The following FILIP1L variants were observed in gnomAD, a reference collection of about 807,000 sequenced individuals.
The protein encoded by FILIP1L is filamin A-interacting protein 1-like.
Under a neutral mutation model 96.6 loss-of-function variants are expected in FILIP1L, and 55 were observed. That is an observed-to-expected ratio of 0.57 (90% CI 0.46 to 0.71). FILIP1L has a LOEUF of 0.71. Ranked by LOEUF, FILIP1L falls within the 30% of genes least tolerant of loss-of-function variation. The probability of loss-of-function intolerance (pLI) is 0.00; values close to 1 mark genes in which losing one functional copy is unlikely to be tolerated. For synonymous variants in FILIP1L, 467 were observed against 473.9 expected (o/e 0.99, Z 0.19); for missense variants, 1,304 against 1,321.2 (o/e 0.99, Z 0.20).
At chr3:99,856,240 T>C (rs1943959589) in intron 4 of FILIP1L, among the ~76,000 whole-genome samples, 1 of 152,226 alleles carries the variant, frequency 6.6e-6, no homozygotes, top group Admixed American at 6.5e-5. Flanking sequence ...TGATAAGAGT[T>C]TGCTAAGAAG....
intron 1 of FILIP1L, among the ~76,000 whole-genome samples, chr3:99,990,137 G>A (rs1329030994): frequency 2.6e-5 from 4 of 152,152 alleles, no homozygotes; most frequent in African/African-American, 9.7e-5. Flanking sequence ...TTGTATGCCA[G>A]ATACTGCCTA....
chr3:100,093,858 G>C (rs985859561), intron 1 of FILIP1L, among the ~76,000 whole-genome samples: 1 of 152,140 alleles, frequency 6.6e-6, no homozygotes, highest in Admixed American at 6.5e-5. Flanking sequence ...ATTTTCTGAA[G>C]AGTTATCTAG....
chr3:100,013,666 A>T (rs1710232778), intron 1 of FILIP1L, among the ~76,000 whole-genome samples: 1 of 152,148 alleles, frequency 6.6e-6, no homozygotes, highest in South Asian at 2.1e-4. Context: ...TAAACAGTGA[A>T]ATGATATTTT....
chr3:99,953,502 A>T (rs959863665), intron 1 of FILIP1L, among the ~76,000 whole-genome samples: 16 of 152,186 alleles, frequency 1.1e-4, no homozygotes, highest in African/African-American at 3.4e-4. Flanking sequence ...GGAAGGTGGC[A>T]GTTGATCTGT....
intron 5 of FILIP1L, among the ~76,000 whole-genome samples, chr3:99,832,887 T>C (rs572745923): frequency 6.6e-6 from 1 of 150,612 alleles, no homozygotes; most frequent in African/African-American, 2.4e-5. Context: ...TTGTATGACT[T>C]ATCCTTGGAC....
chr3:99,949,087 C>CA (rs1030106576), intron 1 of FILIP1L, among the ~76,000 whole-genome samples: 4 of 151,406 alleles, frequency 2.6e-5, no homozygotes, highest in Non-Finnish European at 5.9e-5. Flanking sequence ...GAGTAAATTC[C>CA]AAAAAAAATT....
intron 1 of FILIP1L, among the ~76,000 whole-genome samples, chr3:100,063,586 C>T (rs1433652597): frequency 6.6e-6 from 1 of 152,144 alleles, no homozygotes; most frequent in African/African-American, 2.4e-5. Context: ...GATCTGAATA[C>T]TTTCTCATCC....
chr3:100,087,334 A>G (rs1194101857), intron 1 of FILIP1L, among the ~76,000 whole-genome samples: 1 of 152,226 alleles, frequency 6.6e-6, no homozygotes, highest in Non-Finnish European at 1.5e-5. Context: ...GAGAAATTCC[A>G]GTTGCTCAGC....
At chr3:99,904,927 G>C (rs1261253514) in intron 4 of FILIP1L, among the ~76,000 whole-genome samples, 1 of 152,016 alleles carries the variant, frequency 6.6e-6, no homozygotes, top group Non-Finnish European at 1.5e-5. Context: ...CCTTCTTTGG[G>C]TCCTTGAAGT....
At chr3:100,019,244 C>T (rs1254542116) in intron 1 of FILIP1L, among the ~76,000 whole-genome samples, 1 of 152,160 alleles carries the variant, frequency 6.6e-6, no homozygotes, top group African/African-American at 2.4e-5. Flanking sequence ...TGTCTAGTTT[C>T]AGCTACTCGG....
At chr3:99,857,651 C>T (rs893043467) in intron 4 of FILIP1L, among the ~76,000 whole-genome samples, 1 of 152,136 alleles carries the variant, frequency 6.6e-6, no homozygotes, top group African/African-American at 2.4e-5. Context: ...TTTTCAGATG[C>T]TTGGTCCATA....
At chr3:99,983,418 A>ATG (rs1355148888) in intron 1 of FILIP1L, among the ~76,000 whole-genome samples, 3 of 82,074 alleles carry the variant, frequency 3.7e-5, no homozygotes, top group African/African-American at 1.6e-4. Context: ...ATATATATAT[A>ATG]TGTATGTATG....
chr3:99,920,869 C>T (rs1320327938), intron 4 of FILIP1L, among the ~76,000 whole-genome samples: 1 of 152,188 alleles, frequency 6.6e-6, no homozygotes, highest in East Asian at 1.9e-4. Context: ...CTACCTCAAT[C>T]ACGTAGTTCT....
chr3:99,980,262 TA>T (rs1469957236), intron 1 of FILIP1L, among the ~76,000 whole-genome samples: 1 of 152,160 alleles, frequency 6.6e-6, no homozygotes, highest in African/African-American at 2.4e-5. Context: ...CTGGATCTAC[TA>T]ATCTTACCTC....
intron 1 of FILIP1L, among the ~76,000 whole-genome samples, chr3:100,045,444 A>AT (rs2065264004): frequency 6.6e-6 from 1 of 152,244 alleles, no homozygotes; most frequent in African/African-American, 2.4e-5. Flanking sequence ...TAAAATCGAG[A>AT]TAAAACCATT....
At chr3:99,866,416 CACA>C (rs1944521204) in intron 4 of FILIP1L, among the ~76,000 whole-genome samples, 1 of 151,904 alleles carries the variant, frequency 6.6e-6, no homozygotes, top group Non-Finnish European at 1.5e-5. Flanking sequence ...ATTTAGAAAC[CACA>C]ACAACAGATG....
intron 4 of FILIP1L, among the ~76,000 whole-genome samples, chr3:99,862,616 TGACAACTACTGAATGTCTCCA>T (rs998648535): frequency 3.3e-5 from 5 of 152,334 alleles, no homozygotes; most frequent in South Asian, 2.1e-4. Context: ...AGCTCAGTTG[TGACAACTACTGAATGTCTCCA>T]GACAACTACT....
intron 1 of FILIP1L, among the ~76,000 whole-genome samples, chr3:100,010,519 C>T (rs565076752): frequency 7.9e-5 from 12 of 152,202 alleles, no homozygotes; most frequent in Admixed American, 6.5e-4. Flanking sequence ...AGAGCAGTGA[C>T]TTCCAGTTGT....
chr3:99,933,192 T>C (rs1707542257), intron 1 of FILIP1L, among the ~76,000 whole-genome samples: 1 of 152,198 alleles, frequency 6.6e-6, no homozygotes, highest in Admixed American at 6.5e-5. Flanking sequence ...TTATGCTGTA[T>C]TGCCTAAGAC....
Sources: allele counts gnomAD v4.1 joint callset (sites outside exome capture counted in the v4.1 genomes callset), GRCh38; gene constraint gnomAD v4.1.1; transcripts MANE v1.5; gene names NCBI Gene and HGNC (gene_info 2026-07-23, HGNC 2026-07-21).